The following VEPH1 variants were observed in gnomAD, a reference collection of about 807,000 sequenced individuals.
VEPH1 encodes the protein ventricular zone-expressed PH domain-containing protein homolog 1.
A neutral mutation model predicts 85.2 loss-of-function variants in VEPH1; 80 were observed. That is an observed-to-expected ratio of 0.94 (90% CI 0.78 to 1.13). VEPH1 has a LOEUF of 1.13. Ranked by LOEUF, VEPH1 falls within the 50% of genes most tolerant of loss-of-function variation. The pLI, the probability that VEPH1 is intolerant of heterozygous loss-of-function variation, is 0.00. For synonymous variants in VEPH1, 297 were observed against 348.0 expected (o/e 0.85, Z 1.63); for missense variants, 955 against 980.5 (o/e 0.97, Z 0.35).
chr3:157,475,406 A>G (rs1260143740), intron 2 of VEPH1, among the ~76,000 whole-genome samples: 2 of 152,118 alleles, frequency 1.3e-5, no homozygotes, highest in African/African-American at 4.8e-5. Flanking sequence ...GGTGCATTTT[A>G]CCCATTTATA....
intron 6 of VEPH1, among the ~76,000 whole-genome samples, chr3:157,400,138 G>A (rs1189818730): frequency 6.6e-6 from 1 of 152,044 alleles, no homozygotes; most frequent in Non-Finnish European, 1.5e-5. Context: ...CTTTTTGTGG[G>A]CTCATGGGAG....
At chr3:157,417,133 G>A (rs1375675674) in intron 5 of VEPH1, among the ~76,000 whole-genome samples, 1 of 151,984 alleles carries the variant, frequency 6.6e-6, no homozygotes, top group African/African-American at 2.4e-5. Flanking sequence ...GAAAACACAG[G>A]TATTTCTTGA....
At chr3:157,433,375 T>C (rs1246825519) in intron 4 of VEPH1, among the ~76,000 whole-genome samples, 1 of 152,200 alleles carries the variant, frequency 6.6e-6, no homozygotes, top group Non-Finnish European at 1.5e-5. Context: ...TTGGTATTTA[T>C]GTTTTTTTCA....
At chr3:157,314,312 G>T (rs1720477293) in intron 10 of VEPH1, among the ~76,000 whole-genome samples, 1 of 109,516 alleles carries the variant, frequency 9.1e-6, no homozygotes, top group Non-Finnish European at 1.8e-5. Flanking sequence ...CAGCCTGGGT[G>T]ACAGAGGGAG....
chr3:157,483,501 T>C (rs1004647875), intron 2 of VEPH1, among the ~76,000 whole-genome samples: 1 of 152,170 alleles, frequency 6.6e-6, no homozygotes, highest in Non-Finnish European at 1.5e-5. Context: ...AATTATATAT[T>C]CAAAATCAAT....
intron 5 of VEPH1, among the ~76,000 whole-genome samples, chr3:157,424,858 GA>G (rs1732632613): frequency 6.6e-6 from 1 of 152,304 alleles, no homozygotes; most frequent in African/African-American, 2.4e-5. Context: ...TGAAAGAAAA[GA>G]AAAACCCATT....
intron 12 of VEPH1, chr3:157,285,085 G>A (rs1040488440): frequency 3.9e-5 from 6 of 152,156 alleles, no homozygotes; most frequent in Non-Finnish European, 5.9e-5. Context: ...AGATACCTAA[G>A]ATAAGTACCT....
At chr3:157,316,379 GACA>G (rs1248297270) in intron 10 of VEPH1, among the ~76,000 whole-genome samples, 5 of 151,362 alleles carry the variant, frequency 3.3e-5, no homozygotes, top group Admixed American at 3.3e-4. Context: ...ACATATGTGT[GACA>G]ATAAAAAGAT....
intron 7 of VEPH1, 33 bp from the exon 8 acceptor site, chr3:157,364,545 G>T: frequency 6.3e-7 from 1 of 1,581,364 alleles, no homozygotes; most frequent in African/African-American, 1.3e-5. Context: ...ATTAGATGCA[G>T]GTCATATATA....
At chr3:157,330,527 C>T (rs1185748186) in intron 9 of VEPH1, among the ~76,000 whole-genome samples, 1 of 152,194 alleles carries the variant, frequency 6.6e-6, no homozygotes, top group East Asian at 1.9e-4. Flanking sequence ...TCATAAAACA[C>T]TTCATTATTA....
chr3:157,393,204 C>A (rs1730038499), intron 6 of VEPH1, among the ~76,000 whole-genome samples: 1 of 152,186 alleles, frequency 6.6e-6, no homozygotes, highest in Admixed American at 6.5e-5. Context: ...TAGAAAGAAG[C>A]TTATCAAGAG....
At chr3:157,503,506 C>G (rs984772876), upstream of VEPH1, 1 of 152,208 alleles carries the variant, frequency 6.6e-6, no homozygotes, top group Non-Finnish European at 1.5e-5. Context: ...CTTTTCTTCT[C>G]TCTCCCAAAC....
intron 12 of VEPH1, among the ~76,000 whole-genome samples, chr3:157,280,032 A>T (rs947662252): frequency 6.6e-5 from 10 of 150,438 alleles, no homozygotes; most frequent in African/African-American, 2.2e-4. Context: ...AAAAAAAAAA[A>T]AGGACCAGTA....
chr3:157,460,319 G>T lies in VEPH1; in HGVS notation c.391C>A (p.Pro131Thr). Residue 131 changes from proline (P) to threonine (T), a missense_variant, in exon 4 of 14, where the codon CCC becomes ACC. By Grantham distance (38) the Pro-to-Thr change is conservative. Transcript: ENST00000362010. ...NRPPVMALAI[P>T]IAVKFLHRGN... is the part of the protein sequence containing the mutation. ...CTGTGGAGGAATTTCACTGCAATGG[G>T]GATGGCTAATGCCATCACTGGGGGT... 2 of 1,614,010 alleles carry T rather than the reference G, an allele frequency of 1.2e-6. No homozygotes were observed. The highest frequency in any genetic ancestry group is 1.7e-6 in the Non-Finnish European group (2 of 1,179,948).
rs1269341534 is a variant in VEPH1 at position 157,363,762 on chromosome 3, C to G, written c.1338-1G>C. On this transcript the variant is annotated splice_acceptor_variant, in intron 8 of 13. Coordinates refer to ENST00000362010, the MANE Select transcript of VEPH1 (RefSeq NM_001167912.2). LOFTEE classifies it high-confidence loss of function. Reference sequence around the variant, plus strand: ...AGTGTGGAAAGCCAAACTTTTTGACCTAGAGTTCAAACAAAGGGAAAGTTA... The same window carrying G: ...AGTGTGGAAAGCCAAACTTTTTGACGTAGAGTTCAAACAAAGGGAAAGTTA... 6.2e-7 allele frequency: 1 copy of G among 1,608,582 alleles called. No homozygotes were observed. The highest frequency in any genetic ancestry group is 8.5e-7 in the Non-Finnish European group (1 of 1,176,410).
chr3:157,369,204 A>AAAAAAAC (rs1727204831), intron 7 of VEPH1, among the ~76,000 whole-genome samples: 1 of 146,160 alleles, frequency 6.8e-6, no homozygotes, highest in African/African-American at 2.5e-5. Context: ...AAAAAAAAAA[A>AAAAAAAC]CCTCCTGAGG....
intron 13 of VEPH1, 115 bp from the exon 14 acceptor site, chr3:157,261,485 A>G: frequency 6.7e-7 from 1 of 1,490,544 alleles, no homozygotes; most frequent in Non-Finnish European, 9.0e-7. Flanking sequence ...ATGTCTCAAG[A>G]CCTTTGTTAT....
At chr3:157,263,722 T>A (rs1335598806) in intron 13 of VEPH1, among the ~76,000 whole-genome samples, 1 of 152,226 alleles carries the variant, frequency 6.6e-6, no homozygotes, top group Non-Finnish European at 1.5e-5. Flanking sequence ...ACAAAAAATA[T>A]TCTTTTTCAT....
intron 6 of VEPH1, among the ~76,000 whole-genome samples, chr3:157,396,129 C>T (rs1353266900): frequency 6.6e-6 from 1 of 152,120 alleles, no homozygotes; most frequent in Non-Finnish European, 1.5e-5. Flanking sequence ...GTTCCCCACC[C>T]TGTGTCCATG....
Sources: allele counts gnomAD v4.1 joint callset (sites outside exome capture counted in the v4.1 genomes callset), GRCh38; gene constraint gnomAD v4.1.1; transcripts MANE v1.5; gene names NCBI Gene and HGNC (gene_info 2026-07-23, HGNC 2026-07-21).